Variants in POLR3G observed in about 807,000 individuals in gnomAD.
POLR3G encodes the protein DNA-directed RNA polymerase III subunit RPC7.
A neutral mutation model predicts 30.1 loss-of-function variants in POLR3G; 28 were observed. That is an observed-to-expected ratio of 0.93 (90% CI 0.69 to 1.27). The LOEUF (loss-of-function observed/expected upper bound fraction) is 1.27, where lower values mean the gene tolerates loss of function less well. Ranked by LOEUF, POLR3G falls within the 50% of genes most tolerant of loss-of-function variation. The pLI is 0.00. For synonymous variants in POLR3G, 79 were observed against 82.5 expected, an observed-to-expected ratio of 0.96 and a Z score of 0.23; for missense variants, 254 against 264.6, an observed-to-expected ratio of 0.96 and a Z score of 0.28.
At position 90,495,688 on chromosome 5, in the gene POLR3G, TATA is replaced by T. The variant is rs1267025827; in HGVS notation, c.260_262del (p.Tyr87_Ser88delinsCys). On this transcript the variant is annotated inframe_deletion, in exon 4 of 8. Transcript: ENST00000651687. ...CTTTTTTCCCCTAGATATTGAAAGG[TATA>T]GTAAAAGATACATGAAGGTATACAA... is the stretch of plus-strand genomic sequence containing the variant. 6.2e-7 allele frequency: 1 copy of T among 1,601,338 alleles called. No individual in the cohort carries two copies. The highest frequency in any genetic ancestry group is 2.3e-5 in the East Asian group (1 of 44,200).
intron 1 of POLR3G, among the ~76,000 whole-genome samples, chr5:90,481,786 TGTTA>T (rs916397524): frequency 8.5e-5 from 13 of 152,324 alleles, no homozygotes; most frequent in African/African-American, 2.4e-4. Context: ...GAAATGTGAA[TGTTA>T]GTTCTATATA....
rs534836459 is a variant in POLR3G, at chr5:90,507,095, T to C, written c.585+421T>C. Reference sequence around the variant, plus strand: ...TGCATGTGGATACTATCAGAGAAGATTGATAATTTAACCTCAGGTATCTGG... The same window carrying C: ...TGCATGTGGATACTATCAGAGAAGACTGATAATTTAACCTCAGGTATCTGG... On this transcript the variant is annotated intron_variant, in intron 7 of 7. Coordinates refer to ENST00000651687, the MANE Select transcript of POLR3G (RefSeq NM_006467.3). Among the ~76,000 whole-genome samples, 6 of 152,342 alleles carry C rather than the reference T, an allele frequency of 3.9e-5. No homozygotes were observed. The South Asian group carries it at 1.0e-3, about 26-fold the overall frequency.
upstream of POLR3G, chr5:90,474,533 G>A (rs1395031322): frequency 1.9e-6 from 1 of 532,188 alleles, no homozygotes; most frequent in East Asian, 3.4e-5. Context: ...CAGAGGCTGC[G>A]CCACCAGCAC....
chr5:90,501,398 C>G (rs970381941), intron 5 of POLR3G, among the ~76,000 whole-genome samples: 1 of 152,094 alleles, frequency 6.6e-6, no homozygotes, highest in Non-Finnish European at 1.5e-5. Context: ...ATGAATGATA[C>G]CAGTCATGTC....
chr5:90,478,965 C>T (rs1750985736), intron 1 of POLR3G, among the ~76,000 whole-genome samples: 3 of 148,926 alleles, frequency 2.0e-5, no homozygotes, highest in South Asian at 4.3e-4. Flanking sequence ...TTTAAAACCT[C>T]TCTCAGTGAT....
intron 7 of POLR3G, among the ~76,000 whole-genome samples, 185 bp downstream of exon 7, chr5:90,506,859 A>G (rs532720255): frequency 2.0e-5 from 3 of 152,220 alleles, no homozygotes; most frequent in African/African-American, 7.2e-5. Flanking sequence ...GAACTATTAT[A>G]GCATTGAAAT....
chr5:90,485,736 G>C (rs764663344), intron 2 of POLR3G, 52 bp downstream of exon 2: 1 of 1,334,684 alleles, frequency 7.5e-7, no homozygotes, highest in East Asian at 2.3e-5. Context: ...ATTTTTCAGA[G>C]AATATTAAAA....
intron 1 of POLR3G, among the ~76,000 whole-genome samples, chr5:90,476,530 T>A (rs962409878): frequency 5.9e-5 from 9 of 152,170 alleles, no homozygotes; most frequent in Non-Finnish European, 7.4e-5. Flanking sequence ...CAGAGTAATA[T>A]AGGGCCCTCA....
intron 3 of POLR3G, among the ~76,000 whole-genome samples, chr5:90,494,337 T>G (rs1751879412): frequency 6.6e-6 from 1 of 152,234 alleles, no homozygotes; most frequent in South Asian, 2.1e-4. Flanking sequence ...AGTTCACTTT[T>G]GGGATTACAT....
rs150040880 is a variant in POLR3G, at chr5:90,491,379, G to C, written c.247+3250G>C. On this transcript the variant is annotated intron_variant, in intron 3 of 7. Coordinates refer to ENST00000651687, the MANE Select transcript of POLR3G (RefSeq NM_006467.3). ...AAACATGATTCTGACAGTGGTGATA[G>C]TGTCATAAGTCATTTTCAGAACCTC... Among the ~76,000 whole-genome samples, 447 of 152,254 alleles carry C rather than the reference G, an allele frequency of 2.9e-3. 3 individuals are homozygous for C. Among genetic ancestry groups the C allele is most frequent in the African/African-American group, 0.01 (427 of 41,546 alleles).
intron 1 of POLR3G, among the ~76,000 whole-genome samples, 200 bp downstream of exon 1, chr5:90,475,220 C>G (rs1445322144): frequency 6.6e-6 from 1 of 152,180 alleles, no homozygotes; most frequent in Non-Finnish European, 1.5e-5. Flanking sequence ...ATTTCCAGAT[C>G]TTACCTAGTC....
intron 5 of POLR3G, among the ~76,000 whole-genome samples, chr5:90,498,260 G>A (rs904806733): frequency 6.6e-6 from 1 of 151,850 alleles, no homozygotes; most frequent in African/African-American, 2.4e-5. Context: ...CCTTTTCTTT[G>A]TGTATGTCTT....
chr5:90,510,675 A>C (rs919828796), intron 7 of POLR3G, among the ~76,000 whole-genome samples: 1 of 152,134 alleles, frequency 6.6e-6, no homozygotes, highest in African/African-American at 2.4e-5. Flanking sequence ...AAATATTGCC[A>C]AATTTTTTTG....
At chr5:90,476,401 T>A (rs1750820681) in intron 1 of POLR3G, among the ~76,000 whole-genome samples, 1 of 152,154 alleles carries the variant, frequency 6.6e-6, no homozygotes, top group Non-Finnish European at 1.5e-5. Context: ...AATAAAGCAT[T>A]ACGGGGTATG....
In POLR3G at chr5:90,513,278, CTAATA is replaced by C. The variant is rs1337356982; in HGVS notation, c.*1141_*1145del. The C allele has an allele frequency of 5.2e-5, 8 of 152,710 alleles. No homozygotes were observed. Among genetic ancestry groups the C allele is most frequent in the Middle Eastern group, 3.4e-3 (1 of 294 alleles). 9.5% of individuals were successfully genotyped at this position (152,710 alleles called of 1,614,324 possible). ...TTCCCCTTTGGGGAGATATTATCCT[CTAATA>C]TGAGAATCAGATCCCTAGATTCTAT... is the stretch of plus-strand genomic sequence containing the variant. On this transcript the variant is annotated 3_prime_UTR_variant, in exon 8 of 8. Coordinates refer to ENST00000651687, the MANE Select transcript of POLR3G (RefSeq NM_006467.3).
chr5:90,512,086 G>A lies in POLR3G; in HGVS notation c.619G>A (p.Gly207Arg). Residue 207 changes from glycine (G) to arginine (R), a missense_variant, in exon 8 of 8, where the codon GGA (glycine) becomes AGA (arginine). By Grantham distance (125) the Gly-to-Arg change is moderately radical. Transcript: ENST00000651687. ...CTACATTAATTCATACTTTGAAGAT[G>A]GAGATGATTTTGGCGCAGACAGTGA... is the stretch of plus-strand genomic sequence containing the variant. ...NDYINSYFED[G>R]DDFGADSDDN... 1 of 1,608,726 alleles carries A rather than the reference G, an allele frequency of 6.2e-7. No individual in the cohort carries two copies. Among genetic ancestry groups the A allele is most frequent in the East Asian group, 2.2e-5 (1 of 44,814 alleles).
intron 7 of POLR3G, among the ~76,000 whole-genome samples, chr5:90,510,097 T>C (rs1335610808): frequency 6.6e-6 from 1 of 152,136 alleles, no homozygotes; most frequent in Non-Finnish European, 1.5e-5. Flanking sequence ...GGTTCTAGTT[T>C]GTGTGGTCAA....
upstream of POLR3G, chr5:90,474,585 A>G (rs1750684055): frequency 6.7e-6 from 3 of 448,260 alleles, no homozygotes; most frequent in Admixed American, 4.0e-5. Flanking sequence ...CCGCACCACG[A>G]GAGAGCTTTA....
rs1561261518 is a variant in POLR3G, at chr5:90,512,064, C to T, written c.597C>T (p.Tyr199=). Residue 199 remains tyrosine, a synonymous_variant, in exon 8 of 8, where the codon TAC becomes TAT. Transcript: ENST00000651687. ...ATCATTTCACTTAGGAAAATGACTA[C>T]ATTAATTCATACTTTGAAGATGGAG... ...DEEEQEEEND[Y]INSYFEDGDD... is the part of the protein sequence containing the mutation. The T allele has an allele frequency of 1.9e-6, 3 of 1,598,968 alleles. No individual in the cohort carries two copies. Among genetic ancestry groups the T allele is most frequent in the Non-Finnish European group, 2.6e-6 (3 of 1,166,498 alleles).
Sources: gnomAD v4.1 joint callset for allele counts (sites outside exome capture counted in the v4.1 genomes callset) on GRCh38, gnomAD v4.1.1 for gene constraint, MANE v1.5 for transcripts, NCBI Gene and HGNC (gene_info 2026-07-23, HGNC 2026-07-21) for gene names.